LRP1B: variants seen among roughly 807,000 people sequenced by gnomAD.
LRP1B encodes the protein low-density lipoprotein receptor-related protein 1B.
A neutral mutation model predicts 556.6 loss-of-function variants in LRP1B; 217 were observed. That is an observed-to-expected ratio of 0.39 (90% CI 0.35 to 0.44). LRP1B has a LOEUF of 0.44. LRP1B is among the 20% of genes least tolerant of loss of function. The pLI is 1.00. For missense variants in LRP1B, 5,053 were observed against 5,620.8 expected, an observed-to-expected ratio of 0.90 and a Z score of 3.23; for synonymous variants, 2,047 against 1,865.8, an observed-to-expected ratio of 1.10 and a Z score of -2.50.
intron 35 of LRP1B, among the ~76,000 whole-genome samples, chr2:140,766,202 AT>A (rs79842217): frequency 0.44 from 65,906 of 148,770 alleles, 15,519 homozygotes; most frequent in East Asian, 0.6. Context: ...GAAGGTCATG[AT>A]TTAAAAAAAA....
intron 73 of LRP1B, 94 bp from the exon 74 acceptor site, chr2:140,358,210 A>G: frequency 8.5e-7 from 1 of 1,180,676 alleles, no homozygotes. Context: ...AACTACTATG[A>G]AAAACATGGG....
intron 1 of LRP1B, among the ~76,000 whole-genome samples, chr2:141,888,178 T>C (rs1699182343): frequency 6.6e-6 from 1 of 152,314 alleles, no homozygotes; most frequent in East Asian, 1.9e-4. Flanking sequence ...TCATCAAGTA[T>C]ACAGGTAAGA....
chr2:141,315,071 T>C (rs1306230920), intron 3 of LRP1B, among the ~76,000 whole-genome samples: 4 of 150,454 alleles, frequency 2.7e-5, no homozygotes, highest in Non-Finnish European at 5.9e-5. Context: ...GTAGGGACTA[T>C]TACGGTACTC....
chr2:141,656,723 G>A (rs1690023424), intron 2 of LRP1B, among the ~76,000 whole-genome samples: 2 of 152,020 alleles, frequency 1.3e-5, no homozygotes, highest in Non-Finnish European at 2.9e-5. Flanking sequence ...AAGTTTACAT[G>A]AGCTGAGAAC....
At chr2:141,282,825 GACTTCTT>G (rs1685558858) in intron 3 of LRP1B, among the ~76,000 whole-genome samples, 1 of 152,074 alleles carries the variant, frequency 6.6e-6, no homozygotes, top group Non-Finnish European at 1.5e-5. Flanking sequence ...AAAAGTATAA[GACTTCTT>G]CAAATGGTAA....
In LRP1B at chr2:140,876,474, G is replaced by A. The variant is rs570050303; in HGVS notation, c.4169+7343C>T. On this transcript the variant is annotated intron_variant, in intron 25 of 90. Coordinates refer to ENST00000389484, the MANE Select transcript of LRP1B (RefSeq NM_018557.3). ...TTGGAGAAACTGGTTATTTTATCAA[G>A]GCTTTGACTGCAGTGGTGTGCTTTC... 5.9e-5 allele frequency among the ~76,000 whole-genome samples: 9 copies of A among 152,210 alleles called. No homozygotes were observed. The South Asian group carries it at 1.9e-3, about 32-fold the overall frequency.
chr2:141,710,289 T>A (rs747888330), intron 2 of LRP1B, among the ~76,000 whole-genome samples: 1 of 152,182 alleles, frequency 6.6e-6, no homozygotes, highest in Non-Finnish European at 1.5e-5. Flanking sequence ...AAAATTTTCC[T>A]TCTACATTGT....
intron 1 of LRP1B, among the ~76,000 whole-genome samples, chr2:142,090,865 CT>C (rs1706141490): frequency 6.6e-6 from 1 of 151,926 alleles, no homozygotes; most frequent in African/African-American, 2.4e-5. Flanking sequence ...ATATGAGAAG[CT>C]AAATATCAGG....
At position 141,518,150 on chromosome 2, in the gene LRP1B, G is replaced by A. The variant is rs59814622; in HGVS notation, c.206-37617C>T. 4.1e-3 allele frequency among the ~76,000 whole-genome samples: 620 copies of A among 151,978 alleles called. 4 individuals carry two copies. The highest frequency in any genetic ancestry group is 0.014 in the African/African-American group (583 of 41,450). ...AAAAAAAAAAGTCTTTAAATTGCAGGCATGGGTCTGAAGCTGAAAACTGTA... is the reference window on the plus strand; with the variant it reads ...AAAAAAAAAAGTCTTTAAATTGCAGACATGGGTCTGAAGCTGAAAACTGTA... On this transcript the variant is annotated intron_variant, in intron 2 of 90. Coordinates refer to ENST00000389484, the MANE Select transcript of LRP1B (RefSeq NM_018557.3).
chr2:140,677,504 G>C (rs16844478), intron 41 of LRP1B, among the ~76,000 whole-genome samples: 2,919 of 152,240 alleles, frequency 0.019, 95 homozygotes, highest in East Asian at 0.16. Context: ...ATAGGAATAA[G>C]GTTTAGATTT....
At chr2:140,690,999 G>A (rs1338300484) in intron 41 of LRP1B, among the ~76,000 whole-genome samples, 1 of 152,028 alleles carries the variant, frequency 6.6e-6, no homozygotes, top group Non-Finnish European at 1.5e-5. Context: ...GAGAACGAAT[G>A]TCTGTATTCT....
intron 66 of LRP1B, among the ~76,000 whole-genome samples, chr2:140,400,378 G>T (rs1248952015): frequency 4.6e-5 from 7 of 152,054 alleles, no homozygotes. Context: ...AGAGTTTCCT[G>T]GTAGGATGAA....
chr2:141,706,155 A>G (rs1225599433), intron 2 of LRP1B, among the ~76,000 whole-genome samples: 1 of 151,998 alleles, frequency 6.6e-6, no homozygotes, highest in Non-Finnish European at 1.5e-5. Flanking sequence ...CTTCCCTCCA[A>G]TGCAATCTTT....
intron 7 of LRP1B, among the ~76,000 whole-genome samples, chr2:141,080,172 T>C (rs1418989128): frequency 6.6e-6 from 1 of 152,200 alleles, no homozygotes; most frequent in Admixed American, 6.5e-5. Context: ...AAGCCCTTAA[T>C]GGTGGGAGGA....
rs1337784587 is a variant in LRP1B at position 140,868,074 on chromosome 2, A to T, written c.4334+25T>A. The T allele has an allele frequency of 3.2e-6, 5 of 1,569,298 alleles. 1 individual carries two copies. The South Asian group carries it at 6.0e-5, about 19-fold the overall frequency. On this transcript the variant is annotated intron_variant, in intron 26 of 90. Transcript: ENST00000389484. ...ATATTATCTAAGTAAAAAAAAAAATACAGAAAAGAGATGATTTTTTAAACC... is the reference window on the plus strand; with the variant it reads ...ATATTATCTAAGTAAAAAAAAAAATTCAGAAAAGAGATGATTTTTTAAACC...
chr2:142,055,874 G>A (rs1704649695), intron 1 of LRP1B, among the ~76,000 whole-genome samples: 1 of 152,110 alleles, frequency 6.6e-6, no homozygotes, highest in Admixed American at 6.6e-5. Flanking sequence ...CAATACGCCG[G>A]GCACAGTGGC....
chr2:141,431,146 T>G (rs1221402358), intron 3 of LRP1B, among the ~76,000 whole-genome samples: 1 of 151,356 alleles, frequency 6.6e-6, no homozygotes, highest in Non-Finnish European at 1.5e-5. Flanking sequence ...AAAATCAAAA[T>G]AAATAAATAA....
chr2:140,877,815 A>C (rs539369992), intron 25 of LRP1B, among the ~76,000 whole-genome samples: 1 of 152,314 alleles, frequency 6.6e-6, no homozygotes, highest in Admixed American at 6.5e-5. Flanking sequence ...GTACAAAATC[A>C]AACTGTCCTC....
chr2:141,249,615 T>G (rs1684190065), intron 4 of LRP1B, among the ~76,000 whole-genome samples: 1 of 134,342 alleles, frequency 7.4e-6, no homozygotes, highest in African/African-American at 2.5e-5. Context: ...ATAATAATAA[T>G]AAAACAGAAA....
Sources: allele counts gnomAD v4.1 joint callset (sites outside exome capture counted in the v4.1 genomes callset), GRCh38; gene constraint gnomAD v4.1.1; transcripts MANE v1.5; gene names NCBI Gene and HGNC (gene_info 2026-07-23, HGNC 2026-07-21).